OPRM1: variants seen among roughly 807,000 people sequenced by gnomAD.
OPRM1 encodes the protein opioid receptor mu 1, also known as mu-type opioid receptor.
A neutral mutation model predicts 31.8 loss-of-function variants in OPRM1; 27 were observed. That is an observed-to-expected ratio of 0.85 (90% confidence interval 0.63 to 1.17). The LOEUF (loss-of-function observed/expected upper bound fraction) is 1.17, where lower values mean the gene tolerates loss of function less well. OPRM1 is among the 50% of genes most tolerant of loss of function. The pLI, the probability that OPRM1 is intolerant of heterozygous loss-of-function variation, is 0.00. For synonymous variants in OPRM1, 196 were observed against 189.9 expected (o/e 1.03, Z -0.26); for missense variants, 536 against 511.1 (o/e 1.05, Z -0.47).
Position 154,090,085 on chromosome 6 carries a change from C to T in OPRM1, c.550C>T (p.Arg184Ter), listed in dbSNP as rs200869983. 275 of 1,613,978 alleles carry T rather than the reference C, an allele frequency of 1.7e-4. No individual in the cohort carries two copies. Among genetic ancestry groups the T allele is most frequent in the Middle Eastern group, 4.9e-4 (3 of 6,084 alleles). ...CAAGGCCTTAGATTTCCGTACTCCC[C>T]GAAATGCCAAAATTATCAATGTCTG... ...PVKALDFRTP[R>*]NAKIINVCNW... The change falls in exon 2 of 4, where the codon CGA (arginine) becomes TGA (stop). Residue 184 changes from arginine to a stop codon, truncating the protein, a stop_gained. Coordinates refer to ENST00000330432, the MANE Select transcript of OPRM1 (RefSeq NM_000914.5). LOFTEE classifies it high-confidence loss of function.
chr6:154,152,902 ATTT>A lies in OPRM1; in HGVS notation c.1164+61445_1164+61447del, dbSNP rs34724351. 2.6e-3 allele frequency among the ~76,000 whole-genome samples: 367 copies of A among 143,878 alleles called. 1 individual carries two copies. Among genetic ancestry groups the A allele is most frequent in the Middle Eastern group, 0.011 (3 of 282 alleles). The allele number at this position is 143,878 out of a possible 152,430, so 94.4% of individuals were successfully genotyped here. On this transcript the variant is annotated intron_variant, in intron 3 of 3. Coordinates refer to the OPRM1 transcript ENST00000337049. ...CAGGCATGTTCCACCACACCTAGCT[ATTT>A]TTTTTTTTTTTTTTAAAGAGACAGG...
At chr6:154,184,570 GA>G (rs1342850948) in intron 3 of OPRM1, among the ~76,000 whole-genome samples, 1 of 151,820 alleles carries the variant, frequency 6.6e-6, no homozygotes, top group Non-Finnish European at 1.5e-5. Flanking sequence ...TTGGTACATA[GA>G]AAAAATACAC....
intron 3 of OPRM1, chr6:154,200,172 G>A: frequency 1.3e-6 from 1 of 772,978 alleles, no homozygotes; most frequent in Non-Finnish European, 2.0e-6. Flanking sequence ...AGAGTCAAAA[G>A]GTAAAGATAT....
intron 3 of OPRM1, among the ~76,000 whole-genome samples, chr6:154,142,007 G>A (rs1222997070): frequency 6.6e-6 from 1 of 152,162 alleles, no homozygotes; most frequent in Non-Finnish European, 1.5e-5. Context: ...TGTGGTACTG[G>A]TATCATCTTT....
intron 3 of OPRM1, among the ~76,000 whole-genome samples, chr6:154,186,730 G>C (rs1014170342): frequency 5.9e-5 from 9 of 151,938 alleles, no homozygotes; most frequent in African/African-American, 2.2e-4. Flanking sequence ...CTAATTTTTT[G>C]TATTTTTAGT....
At chr6:154,230,011 G>A (rs1257488079) in intron 3 of OPRM1, among the ~76,000 whole-genome samples, 1 of 152,178 alleles carries the variant, frequency 6.6e-6, no homozygotes, top group East Asian at 1.9e-4. Context: ...TGTCCAGAAA[G>A]GGCAAATCTA....
At chr6:154,200,172 G>T in intron 3 of OPRM1, 1 of 772,980 alleles carries the variant, frequency 1.3e-6, no homozygotes, top group Non-Finnish European at 2.0e-6. Context: ...AGAGTCAAAA[G>T]GTAAAGATAT....
At chr6:154,194,139 C>T (rs1442003748) in intron 3 of OPRM1, among the ~76,000 whole-genome samples, 2 of 152,214 alleles carry the variant, frequency 1.3e-5, no homozygotes, top group Non-Finnish European at 2.9e-5. Context: ...GTGGCTCATG[C>T]CTGTAATCCC....
intron 1 of OPRM1, among the ~76,000 whole-genome samples, chr6:154,032,074 A>G (rs73788974): frequency 0.029 from 4,387 of 152,328 alleles, 200 homozygotes; most frequent in African/African-American, 0.1. Flanking sequence ...AAGATAGATC[A>G]GTTAAGAGCT....
At chr6:154,185,344 A>G (rs1801244739) in intron 3 of OPRM1, among the ~76,000 whole-genome samples, 1 of 152,202 alleles carries the variant, frequency 6.6e-6, no homozygotes, top group African/African-American at 2.4e-5. Context: ...AGATATTCAC[A>G]ATGTACCTTT....
intron 1 of OPRM1, among the ~76,000 whole-genome samples, chr6:154,071,201 GTA>G (rs1437573423): frequency 2.0e-5 from 3 of 152,192 alleles, no homozygotes; most frequent in African/African-American, 7.2e-5. Flanking sequence ...GGCACAGTGT[GTA>G]GTCATAGCTG....
intron 3 of OPRM1, chr6:154,107,592 G>T (rs763459377): frequency 1.4e-6 from 1 of 718,540 alleles, no homozygotes; most frequent in East Asian, 2.7e-5. Context: ...GCAAAGGCTT[G>T]TAACTATTTC....
At chr6:154,042,304 C>T (rs1432483928) in intron 1 of OPRM1, among the ~76,000 whole-genome samples, 2 of 152,152 alleles carry the variant, frequency 1.3e-5, no homozygotes, top group Non-Finnish European at 2.9e-5. Context: ...TGTCTCCAGG[C>T]TGCGGTGTTT....
chr6:154,230,665 C>T (rs923132900), intron 3 of OPRM1, among the ~76,000 whole-genome samples: 8 of 152,046 alleles, frequency 5.3e-5, no homozygotes, highest in East Asian at 1.9e-4. Flanking sequence ...TCATGTAGTT[C>T]CTGGTTAAAA....
intron 1 of OPRM1, among the ~76,000 whole-genome samples, chr6:154,019,481 CAT>C (rs887924450): frequency 2.6e-5 from 4 of 152,056 alleles, no homozygotes; most frequent in African/African-American, 9.7e-5. Flanking sequence ...CATATAAAGA[CAT>C]GCATTCACCA....
chr6:154,158,517 C>T (rs2128545071), intron 3 of OPRM1: 1 of 152,146 alleles, frequency 6.6e-6, no homozygotes, highest in South Asian at 2.1e-4. Context: ...GATGAAAGTC[C>T]TTTGCTGGTT....
intron 3 of OPRM1, among the ~76,000 whole-genome samples, chr6:154,213,681 C>A (rs978870585): frequency 6.6e-6 from 1 of 152,196 alleles, no homozygotes; most frequent in African/African-American, 2.4e-5. Flanking sequence ...CTCTTCTCAA[C>A]ACTAAGGTGT....
intron 3 of OPRM1, chr6:154,094,127 T>C: frequency 1.3e-6 from 1 of 748,160 alleles, no homozygotes; most frequent in Non-Finnish European, 2.0e-6. Flanking sequence ...TGTTCTGCCT[T>C]ATGTATTTGT....
At chr6:154,230,452 T>C (rs1273695815) in intron 3 of OPRM1, among the ~76,000 whole-genome samples, 1 of 152,210 alleles carries the variant, frequency 6.6e-6, no homozygotes, top group African/African-American at 2.4e-5. Flanking sequence ...AATGCAAAAA[T>C]AAGTGTTCAT....
Sources: gnomAD v4.1 joint callset for allele counts (sites outside exome capture counted in the v4.1 genomes callset) on GRCh38, gnomAD v4.1.1 for gene constraint, MANE v1.5 for transcripts, NCBI Gene and HGNC (gene_info 2026-07-23, HGNC 2026-07-21) for gene names.